SLC12A3: variants seen among roughly 807,000 people sequenced by gnomAD.
The protein encoded by SLC12A3 is solute carrier family 12 member 3.
SLC12A3 carries 104 observed loss-of-function variants against 121.0 expected under a neutral mutation model. The observed-to-expected ratio is 0.86, with a 90% CI of 0.73 to 1.01. SLC12A3 has a LOEUF of 1.01. Among genes scored for constraint, SLC12A3 ranks in the 50% least tolerant of loss-of-function variants. SLC12A3 has a pLI of 0.00. For synonymous variants in SLC12A3, 536 were observed against 533.4 expected (o/e 1.00, Z -0.07); for missense variants, 1,328 against 1,356.3 (o/e 0.98, Z 0.33).
chr16:56,906,259 C>T (rs2055606692), intron 25 of SLC12A3, among the ~76,000 whole-genome samples: 1 of 152,236 alleles, frequency 6.6e-6, no homozygotes, highest in African/African-American at 2.4e-5. Flanking sequence ...GCAATACCCT[C>T]TTTCAGGAGA....
intron 2 of SLC12A3, among the ~76,000 whole-genome samples, chr16:56,867,806 C>T (rs1434710436): frequency 6.6e-6 from 1 of 152,224 alleles, no homozygotes; most frequent in East Asian, 1.9e-4. Flanking sequence ...CACACCAGCC[C>T]CTCCCACCTG....
intron 14 of SLC12A3, 57 bp from the exon 15 acceptor site, chr16:56,885,208 T>G (rs368437549): frequency 4.6e-6 from 5 of 1,078,814 alleles, no homozygotes; most frequent in Non-Finnish European, 5.6e-6. Context: ...ACGTGTCTGG[T>G]TTCCTCTAGT....
At chr16:56,879,333 T>C in intron 10 of SLC12A3, 106 bp downstream of exon 10, 1 of 1,464,722 alleles carries the variant, frequency 6.8e-7, no homozygotes, top group South Asian at 1.2e-5. Context: ...TTTTGGGGGT[T>C]GAGGCCTAGG....
Position 56,913,660 on chromosome 16 carries a change from C to G in SLC12A3, c.*255C>G. 1.9e-6 allele frequency: 1 copy of G among 538,934 alleles called. No homozygotes were observed. Among genetic ancestry groups the G allele is most frequent in the Non-Finnish European group, 3.3e-6 (1 of 299,568 alleles). 33.4% of individuals were successfully genotyped at this position (538,934 alleles called of 1,614,324 possible). ...TGCAAGGAAAACTCTCTAAAGCATC[C>G]TATTCCTTTTAAAGGATTTCTTTTG... On this transcript the variant is annotated 3_prime_UTR_variant, in exon 26 of 26. Transcript: ENST00000563236.
At chr16:56,885,394 A>T in intron 15 of SLC12A3, 30 bp downstream of exon 15, 2 of 1,381,156 alleles carry the variant, frequency 1.4e-6, no homozygotes, top group Non-Finnish European at 2.0e-6. Context: ...CCCACCTGGG[A>T]CCCCAGGGCC....
chr16:56,880,339 TCTC>T (rs751543379), intron 12 of SLC12A3, 86 bp downstream of exon 12: 11 of 1,472,098 alleles, frequency 7.5e-6, no homozygotes, highest in African/African-American at 1.4e-5. Context: ...TCTTCTCCTG[TCTC>T]CTCATCTCCC....
chr16:56,868,074 G>A (rs1205960328), intron 2 of SLC12A3, among the ~76,000 whole-genome samples: 2 of 152,194 alleles, frequency 1.3e-5, no homozygotes, highest in Non-Finnish European at 2.9e-5. Flanking sequence ...AGGACTCAAC[G>A]GGAGGGTGGG....
chr16:56,903,360 C>T (rs530969927), intron 24 of SLC12A3, among the ~76,000 whole-genome samples: 9 of 152,164 alleles, frequency 5.9e-5, no homozygotes, highest in Admixed American at 3.9e-4. Context: ...CGAGCGAGAG[C>T]GATGGGGGCA....
chr16:56,882,595 G>GC (rs2055256583), intron 13 of SLC12A3, 98 bp downstream of exon 13: 1 of 864,202 alleles, frequency 1.2e-6, no homozygotes, highest in Middle Eastern at 2.2e-4. Context: ...GAGGTTGGCA[G>GC]CCCAAGGTCA....
chr16:56,909,037 C>G (rs1398419118), intron 25 of SLC12A3, among the ~76,000 whole-genome samples: 1 of 152,222 alleles, frequency 6.6e-6, no homozygotes. Context: ...CTCAGTTTCC[C>G]TAATTATAAA....
At chr16:56,893,738 G>A (rs1162714197) in intron 21 of SLC12A3, among the ~76,000 whole-genome samples, 3 of 152,116 alleles carry the variant, frequency 2.0e-5, no homozygotes, top group Non-Finnish European at 4.4e-5. Context: ...CAATGACCTC[G>A]ATTTTTATGT....
Position 56,902,517 on chromosome 16 carries a change from A to C in SLC12A3, c.2856+9A>C. 5.5e-6 allele frequency: 2 copies of C among 363,714 alleles called. No homozygotes were observed. Among genetic ancestry groups the C allele is most frequent in the Non-Finnish European group, 1.0e-5 (2 of 200,766 alleles). 22.5% of individuals were successfully genotyped at this position (363,714 alleles called of 1,614,324 possible). ...CGAAGAACAGAGTCAAGGTGCAGAGAGGGGTGGGGGTGGGAAACGCGACAC... is the reference window on the plus strand; with the variant it reads ...CGAAGAACAGAGTCAAGGTGCAGAGCGGGGTGGGGGTGGGAAACGCGACAC... On this transcript the variant is annotated intron_variant, in intron 24 of 25. Coordinates refer to ENST00000563236, the MANE Select transcript of SLC12A3 (RefSeq NM_001126108.2).
rs201358374 is a variant in SLC12A3, at chr16:56,868,981, AT to A, written c.505+610del. Among the ~76,000 whole-genome samples, 462 of 140,822 alleles carry A rather than the reference AT, an allele frequency of 3.3e-3. 3 individuals carry two copies. Among genetic ancestry groups the A allele is most frequent in the African/African-American group, 7.2e-3 (268 of 37,094 alleles). The allele number at this position is 140,822 out of a possible 152,430, so 92.4% of individuals were successfully genotyped here. A position where few individuals can be genotyped will look rare whatever the true frequency, so the allele number is the denominator to read the frequency against. ...AGTGTGAAACTCCATCTCAAAAAAA[AT>A]AAAAAATAAAAAAGAAAGCTGCATT... is the stretch of plus-strand genomic sequence containing the variant. On this transcript the variant is annotated intron_variant, in intron 3 of 25. Transcript: ENST00000563236.
At chr16:56,909,543 G>A (rs559234082) in intron 25 of SLC12A3, among the ~76,000 whole-genome samples, 3 of 152,062 alleles carry the variant, frequency 2.0e-5, no homozygotes, top group Admixed American at 6.5e-5. Context: ...TGCCCAGGGC[G>A]TCCCACCCCA....
At chr16:56,882,640 A>T (rs2055256967) in intron 13 of SLC12A3, 143 bp downstream of exon 13, 1 of 723,638 alleles carries the variant, frequency 1.4e-6, no homozygotes, top group African/African-American at 1.7e-5. Flanking sequence ...GGGAACATTA[A>T]TATAATAATA....
chr16:56,879,789 G>A (rs1046360024), intron 11 of SLC12A3, 140 bp downstream of exon 11: 9 of 704,066 alleles, frequency 1.3e-5, no homozygotes, highest in East Asian at 2.7e-5. Flanking sequence ...GGGAAAAGGA[G>A]CTATCAGCAA....
chr16:56,901,846 G>A (rs916390483), intron 23 of SLC12A3, among the ~76,000 whole-genome samples: 8 of 152,116 alleles, frequency 5.3e-5, no homozygotes, highest in East Asian at 1.9e-4. Flanking sequence ...AGCCAAACAC[G>A]CTCTGCCTCA....
chr16:56,901,016 C>A (rs1331103877), intron 23 of SLC12A3, among the ~76,000 whole-genome samples: 1 of 152,128 alleles, frequency 6.6e-6, no homozygotes, highest in Non-Finnish European at 1.5e-5. Context: ...CTCTTGCCAG[C>A]ATCATCAGTG....
chr16:56,887,792 ATATATATTT>A (rs1238533288), intron 17 of SLC12A3, 124 bp from the exon 18 acceptor site: 6 of 114,740 alleles, frequency 5.2e-5, no homozygotes, highest in Admixed American at 3.7e-4. Context: ...ATATATATAT[ATATATATTT>A]TTTTTTTTTT....
Sources: allele counts gnomAD v4.1 joint callset (sites outside exome capture counted in the v4.1 genomes callset), GRCh38; gene constraint gnomAD v4.1.1; transcripts MANE v1.5; gene names NCBI Gene and HGNC (gene_info 2026-07-23, HGNC 2026-07-21).